CDH13: variants seen among roughly 807,000 people sequenced by gnomAD.
CDH13 encodes the protein cadherin-13.
In CDH13, 24 loss-of-function variants were observed where a neutral mutation model predicts 63.8. The observed-to-expected ratio is 0.38, with a 90% CI of 0.27 to 0.53. The LOEUF (loss-of-function observed/expected upper bound fraction) is 0.53, where lower values mean the gene tolerates loss of function less well. Ranked by LOEUF, CDH13 falls within the 20% of genes least tolerant of loss-of-function variation. CDH13 has a pLI of 0.85. For missense variants in CDH13, 1,049 were observed against 903.1 expected (o/e 1.16, Z -2.07); for synonymous variants, 503 against 355.3 (o/e 1.42, Z -4.67).
At chr16:82,943,715 C>T (rs767831069) in intron 2 of CDH13, among the ~76,000 whole-genome samples, 1 of 152,220 alleles carries the variant, frequency 6.6e-6, no homozygotes, top group Non-Finnish European at 1.5e-5. Context: ...CCTTGCCCTT[C>T]AGGCTGTATC....
chr16:82,876,273 A>C (rs2040498733), intron 2 of CDH13, among the ~76,000 whole-genome samples: 1 of 152,244 alleles, frequency 6.6e-6, no homozygotes, highest in Non-Finnish European at 1.5e-5. Context: ...TATCTCTGCC[A>C]GACAGAAATC....
At chr16:82,717,674 T>G (rs1597394515) in intron 1 of CDH13, among the ~76,000 whole-genome samples, 2 of 152,226 alleles carry the variant, frequency 1.3e-5, no homozygotes, top group Admixed American at 6.5e-5. Flanking sequence ...CCCCCTCTTA[T>G]GAAGGAATTT....
At chr16:83,300,699 G>A (rs1381720218) in intron 5 of CDH13, among the ~76,000 whole-genome samples, 1 of 152,168 alleles carries the variant, frequency 6.6e-6, no homozygotes, top group Non-Finnish European at 1.5e-5. Flanking sequence ...CATAAAATAA[G>A]ACTGCAAACT....
chr16:83,501,005 G>A (rs1452589226), intron 7 of CDH13, among the ~76,000 whole-genome samples: 3 of 152,164 alleles, frequency 2.0e-5, no homozygotes, highest in African/African-American at 7.2e-5. Context: ...TTTCAAAGGT[G>A]TATTAAGGTA....
At chr16:82,752,070 T>C (rs2034439202) in intron 1 of CDH13, among the ~76,000 whole-genome samples, 1 of 152,182 alleles carries the variant, frequency 6.6e-6, no homozygotes, top group African/African-American at 2.4e-5. Context: ...ATAGCTGAAA[T>C]TAACAGAATA....
intron 8 of CDH13, among the ~76,000 whole-genome samples, chr16:83,623,095 T>G (rs1909961755): frequency 6.6e-6 from 1 of 151,572 alleles, no homozygotes; most frequent in Non-Finnish European, 1.5e-5. Flanking sequence ...CTAGGTAGAG[T>G]AAGAAGGGGT....
chr16:83,228,688 G>C (rs970539816), intron 5 of CDH13, among the ~76,000 whole-genome samples: 1 of 152,206 alleles, frequency 6.6e-6, no homozygotes, highest in East Asian at 1.9e-4. Flanking sequence ...AGCGGAGTGC[G>C]TGCAGTTTAG....
intron 7 of CDH13, among the ~76,000 whole-genome samples, chr16:83,586,161 C>G (rs1432417203): frequency 6.6e-6 from 1 of 152,152 alleles, no homozygotes. Context: ...AACTGGCAAG[C>G]GATGACCACC....
chr16:82,819,367 T>G (rs968038806), intron 1 of CDH13, among the ~76,000 whole-genome samples: 14 of 152,174 alleles, frequency 9.2e-5, no homozygotes, highest in South Asian at 2.1e-4. Flanking sequence ...ATGCTGATTC[T>G]CAAATTAACA....
chr16:83,354,226 C>G, intron 6 of CDH13, among the ~76,000 whole-genome samples: 1 of 152,216 alleles, frequency 6.6e-6, no homozygotes, highest in African/African-American at 2.4e-5. Flanking sequence ...TGGATCCTAT[C>G]CCTGATACCA....
At chr16:83,465,704 T>C (rs1370973365) in intron 6 of CDH13, among the ~76,000 whole-genome samples, 1 of 152,246 alleles carries the variant, frequency 6.6e-6, no homozygotes, top group Non-Finnish European at 1.5e-5. Flanking sequence ...GGTCTGTGCA[T>C]GTCCTTGTGA....
chr16:83,635,976 T>A (rs985101690), intron 8 of CDH13, among the ~76,000 whole-genome samples: 1 of 152,198 alleles, frequency 6.6e-6, no homozygotes, highest in Non-Finnish European at 1.5e-5. Context: ...GGAACTGATT[T>A]TTTTATGTAA....
intron 1 of CDH13, among the ~76,000 whole-genome samples, chr16:82,854,661 A>C (rs1199512937): frequency 1.3e-5 from 2 of 152,310 alleles, no homozygotes; most frequent in African/African-American, 4.8e-5. Context: ...GATAATTCGT[A>C]ATCATCTTTG....
chr16:83,707,032 C>G (rs1340049894), intron 10 of CDH13, among the ~76,000 whole-genome samples: 1 of 152,106 alleles, frequency 6.6e-6, no homozygotes, highest in Non-Finnish European at 1.5e-5. Context: ...CAGGTGTCCC[C>G]ACAAAGAAGG....
intron 11 of CDH13, among the ~76,000 whole-genome samples, chr16:83,773,273 A>G (rs542703205): frequency 2.7e-4 from 41 of 152,330 alleles, no homozygotes; most frequent in African/African-American, 9.1e-4. Context: ...TGCTTCAAGA[A>G]AAGAGAAGTC....
intron 10 of CDH13, among the ~76,000 whole-genome samples, chr16:83,733,043 A>C (rs1911189172): frequency 6.6e-6 from 1 of 152,224 alleles, no homozygotes; most frequent in Non-Finnish European, 1.5e-5. Flanking sequence ...GCCTTGGTGA[A>C]GATACGCATC....
intron 2 of CDH13, among the ~76,000 whole-genome samples, chr16:82,931,196 A>G (rs1048443901): frequency 6.6e-6 from 1 of 152,206 alleles, no homozygotes; most frequent in Non-Finnish European, 1.5e-5. Flanking sequence ...TCTCGTGTCA[A>G]AAAGCATATC....
At chr16:83,680,589 A>G (rs1365712883) in intron 10 of CDH13, among the ~76,000 whole-genome samples, 1 of 152,174 alleles carries the variant, frequency 6.6e-6, no homozygotes, top group African/African-American at 2.4e-5. Context: ...CAGGCAGATA[A>G]GGGACTTCAT....
At chr16:83,448,003 A>G (rs1469606961) in intron 6 of CDH13, among the ~76,000 whole-genome samples, 1 of 152,154 alleles carries the variant, frequency 6.6e-6, no homozygotes. Context: ...TTTGACTCCC[A>G]ATAGGAACTT....
Sources: gnomAD v4.1 joint callset for allele counts (sites outside exome capture counted in the v4.1 genomes callset) on GRCh38, gnomAD v4.1.1 for gene constraint, MANE v1.5 for transcripts, NCBI Gene and HGNC (gene_info 2026-07-23, HGNC 2026-07-21) for gene names.